Variants in DPP10 observed in about 807,000 individuals in gnomAD.
The protein encoded by DPP10 is dipeptidyl peptidase like 10.
DPP10 carries 33 observed loss-of-function variants against 120.9 expected under a neutral mutation model. The observed-to-expected ratio is 0.27, with a 90% CI of 0.21 to 0.37. The LOEUF (loss-of-function observed/expected upper bound fraction) is 0.37, where lower values mean the gene tolerates loss of function less well. Ranked by LOEUF, DPP10 falls within the 10% of genes least tolerant of loss-of-function variation. The pLI, the probability that DPP10 is intolerant of heterozygous loss-of-function variation, is 1.00. For synonymous variants in DPP10, 337 were observed against 326.1 expected (o/e 1.03, Z -0.36); for missense variants, 816 against 942.8 (o/e 0.87, Z 1.76).
intron 1 of DPP10, among the ~76,000 whole-genome samples, chr2:115,080,455 G>A (rs1708181325): frequency 6.6e-6 from 1 of 152,124 alleles, no homozygotes; most frequent in Non-Finnish European, 1.5e-5. Context: ...TTAGAGGTCT[G>A]CAAATTATGG....
At chr2:115,018,933 C>T (rs865783897) in intron 1 of DPP10, among the ~76,000 whole-genome samples, 96 of 152,088 alleles carry the variant, frequency 6.3e-4, no homozygotes, top group African/African-American at 2.2e-3. Flanking sequence ...CCCTGAGCAG[C>T]CCCACTTCTG....
At chr2:114,968,960 A>G (rs985427051) in intron 1 of DPP10, among the ~76,000 whole-genome samples, 1 of 152,212 alleles carries the variant, frequency 6.6e-6, no homozygotes, top group Non-Finnish European at 1.5e-5. Flanking sequence ...CATCAATTTC[A>G]CATTCTAGAC....
chr2:114,830,960 A>G (rs1026337168), intron 1 of DPP10, among the ~76,000 whole-genome samples: 7 of 149,204 alleles, frequency 4.7e-5, no homozygotes, highest in African/African-American at 9.9e-5. Flanking sequence ...GGCACACTGC[A>G]TAGCTTTTAA....
chr2:115,449,516 A>G (rs924778095), intron 3 of DPP10, among the ~76,000 whole-genome samples: 31 of 152,236 alleles, frequency 2.0e-4, no homozygotes, highest in Admixed American at 1.6e-3. Flanking sequence ...ATATCCTTAC[A>G]TAATTTGACA....
intron 4 of DPP10, among the ~76,000 whole-genome samples, chr2:115,517,316 C>T (rs930976966): frequency 6.6e-6 from 1 of 152,142 alleles, no homozygotes; most frequent in Non-Finnish European, 1.5e-5. Context: ...GAAAACCCAA[C>T]TTTTAAATTA....
At chr2:114,546,294 A>T (rs1436121055) in intron 1 of DPP10, among the ~76,000 whole-genome samples, 1 of 152,166 alleles carries the variant, frequency 6.6e-6, no homozygotes, top group Non-Finnish European at 1.5e-5. Context: ...CAGGTACATG[A>T]CTTGGTGTTG....
At chr2:114,532,241 C>T (rs1686051375) in intron 1 of DPP10, among the ~76,000 whole-genome samples, 1 of 130,178 alleles carries the variant, frequency 7.7e-6, no homozygotes, top group African/African-American at 3.1e-5. Flanking sequence ...CGAGCCAATT[C>T]CCATAATAAA....
At chr2:114,722,086 G>C (rs1389626005) in intron 1 of DPP10, among the ~76,000 whole-genome samples, 4 of 152,154 alleles carry the variant, frequency 2.6e-5, no homozygotes, top group African/African-American at 9.7e-5. Context: ...GGAGGTAAGG[G>C]AAGATTATAG....
At chr2:114,736,110 G>A (rs1677407171) in intron 1 of DPP10, among the ~76,000 whole-genome samples, 1 of 152,020 alleles carries the variant, frequency 6.6e-6, no homozygotes, top group Non-Finnish European at 1.5e-5. Flanking sequence ...AAGCATCTAA[G>A]TCATTTCCAA....
intron 1 of DPP10, among the ~76,000 whole-genome samples, chr2:115,126,146 C>T (rs1035826202): frequency 1.2e-4 from 19 of 152,216 alleles, no homozygotes; most frequent in African/African-American, 4.1e-4. Flanking sequence ...TGAGACAGGG[C>T]CTCACTCTGT....
Position 114,855,177 on chromosome 2 carries a change from A to T in DPP10, c.60+412339A>T, listed in dbSNP as rs187119094. On this transcript the variant is annotated intron_variant, in intron 1 of 25. Transcript: ENST00000410059. ...CGTTGGAAGGGAATACAAAGAAACG[A>T]CATATTAGAGCAAATTGTAATAATA... is the stretch of plus-strand genomic sequence containing the variant. Among the ~76,000 whole-genome samples, 8 of 152,328 alleles carry T rather than the reference A, an allele frequency of 5.3e-5. No individual in the cohort carries two copies. The East Asian group carries it at 1.5e-3, about 29-fold the overall frequency.
intron 1 of DPP10, among the ~76,000 whole-genome samples, chr2:114,902,752 C>G (rs1353024509): frequency 6.6e-6 from 1 of 152,152 alleles, no homozygotes; most frequent in East Asian, 1.9e-4. Flanking sequence ...TAAACACTCC[C>G]CACCAGAGTG....
At chr2:114,980,868 C>T (rs1246426838) in intron 1 of DPP10, among the ~76,000 whole-genome samples, 4 of 151,706 alleles carry the variant, frequency 2.6e-5, no homozygotes. Context: ...TGTAATTTTT[C>T]GTTTAACTTA....
chr2:114,621,186 G>C (rs1344960005), intron 1 of DPP10, among the ~76,000 whole-genome samples: 2 of 152,060 alleles, frequency 1.3e-5, no homozygotes, highest in African/African-American at 4.8e-5. Context: ...TGGATGTTAG[G>C]CAAATGCTTA....
intron 3 of DPP10, among the ~76,000 whole-genome samples, chr2:115,359,488 G>A (rs1237857462): frequency 6.6e-6 from 1 of 152,022 alleles, no homozygotes; most frequent in Non-Finnish European, 1.5e-5. Context: ...TGACAATCCT[G>A]CTGTTATTTT....
chr2:115,561,409 AC>A (rs2080665011), intron 5 of DPP10, among the ~76,000 whole-genome samples: 1 of 149,882 alleles, frequency 6.7e-6, no homozygotes, highest in Admixed American at 6.6e-5. Flanking sequence ...TGAAAGACTG[AC>A]CCATTGCGGT....
At chr2:114,909,992 C>T (rs1694249202) in intron 1 of DPP10, among the ~76,000 whole-genome samples, 1 of 151,442 alleles carries the variant, frequency 6.6e-6, no homozygotes, top group Admixed American at 6.6e-5. Flanking sequence ...AATTACATAT[C>T]TATGTATCTA....
chr2:114,647,128 C>A (rs1696200954), intron 1 of DPP10, among the ~76,000 whole-genome samples: 1 of 152,206 alleles, frequency 6.6e-6, no homozygotes, highest in Non-Finnish European at 1.5e-5. Flanking sequence ...AGAAAGCAAG[C>A]TGAACACGTT....
chr2:115,092,463 T>C (rs912180895), intron 1 of DPP10, among the ~76,000 whole-genome samples: 3 of 152,194 alleles, frequency 2.0e-5, no homozygotes, highest in African/African-American at 7.2e-5. Flanking sequence ...CACTTATTTT[T>C]AATATATCAG....
Sources: gnomAD v4.1 joint callset for allele counts (sites outside exome capture counted in the v4.1 genomes callset) on GRCh38, gnomAD v4.1.1 for gene constraint, MANE v1.5 for transcripts, NCBI Gene and HGNC (gene_info 2026-07-23, HGNC 2026-07-21) for gene names.